The following IKZF5 variants were observed in gnomAD, a reference collection of about 807,000 sequenced individuals.
IKZF5 encodes IKAROS family zinc finger 5.
Under a neutral mutation model 30.7 loss-of-function variants are expected in IKZF5, and 4 were observed. The ratio of observed to expected loss-of-function variants is 0.13; its 90% CI spans 0.06 to 0.30. The LOEUF (loss-of-function observed/expected upper bound fraction) is 0.30. IKZF5 is among the 10% of genes least tolerant of loss of function. The pLI, the probability that IKZF5 is intolerant of heterozygous loss-of-function variation, is 1.00. For missense variants in IKZF5, 348 were observed against 525.5 expected, an observed-to-expected ratio of 0.66 and a Z score of 3.30; for synonymous variants, 148 against 179.6, an observed-to-expected ratio of 0.82 and a Z score of 1.41.
intron 3 of IKZF5, chr10:122,997,559 C>T (rs1849420552): frequency 6.6e-6 from 1 of 152,162 alleles, no homozygotes; most frequent in South Asian, 2.1e-4. Flanking sequence ...TTAACAAGCT[C>T]CCGGGTGATG....
intron 1 of IKZF5, among the ~76,000 whole-genome samples, 183 bp from the exon 2 acceptor site, chr10:123,007,359 T>C (rs551431500): frequency 3.9e-5 from 6 of 152,336 alleles, no homozygotes; most frequent in East Asian, 1.9e-4. Context: ...AAAAGCTCCA[T>C]AGGATCACCA....
At chr10:123,001,721 A>T (rs995532655) in intron 2 of IKZF5, among the ~76,000 whole-genome samples, 1 of 152,186 alleles carries the variant, frequency 6.6e-6, no homozygotes, top group Non-Finnish European at 1.5e-5. Context: ...AGATACTCTT[A>T]ATAATAAGTC....
intron 1 of IKZF5, among the ~76,000 whole-genome samples, chr10:123,007,786 G>A (rs144319193): frequency 1.4e-4 from 22 of 152,198 alleles, no homozygotes; most frequent in African/African-American, 5.1e-4. Flanking sequence ...GTGACAACAC[G>A]ACATAAATCA....
rs1269601358 is a variant in IKZF5 at position 122,994,272 on chromosome 10, C to T, written c.768G>A (p.Ser256=). ...GACTGGACAACTGCCCTGCTAGAGTCGAGAGCTGATTCAAAGGGTTATCAA... is the reference window on the plus strand; with the variant it reads ...GACTGGACAACTGCCCTGCTAGAGTTGAGAGCTGATTCAAAGGGTTATCAA... ...LMVDNPLNQL[S]TLAGQLSSLP... The change falls in exon 5 of 5, where the codon TCG becomes TCA. Residue 256 remains serine (S), a synonymous_variant. Transcript: ENST00000368886. The surrounding 1 kb of genome is among the most constrained non-coding windows in gnomAD (Gnocchi z 5.6). 6.2e-6 allele frequency: 10 copies of T among 1,613,674 alleles called. No individual in the cohort carries two copies. Among genetic ancestry groups the T allele is most frequent in the Non-Finnish European group, 7.6e-6 (9 of 1,179,968 alleles).
At position 122,992,536 on chromosome 10, in the gene IKZF5, A is replaced by T. The variant is rs1244894929; in HGVS notation, c.*1244T>A. The T allele has an allele frequency of 1.3e-5, 2 of 152,222 alleles. No homozygotes were observed. Among genetic ancestry groups the T allele is most frequent in the Admixed American group, 1.3e-4 (2 of 15,290 alleles). 9.4% of individuals were successfully genotyped at this position (152,222 alleles called of 1,614,324 possible). ...TAAAAACAATAGCCTCCTATTCAAA[A>T]TGAATTACTCTATATTTAGTAAGTC... On this transcript the variant is annotated 3_prime_UTR_variant, in exon 5 of 5. Transcript: ENST00000368886.
chr10:122,998,611 T>G lies in IKZF5; in HGVS notation c.15A>C (p.Lys5Asn), dbSNP rs776753682. 1 of 1,610,530 alleles carries G rather than the reference T, an allele frequency of 6.2e-7. No homozygotes were observed. Among genetic ancestry groups the G allele is most frequent in the Non-Finnish European group, 8.5e-7 (1 of 1,178,446 alleles). The part of the protein sequence containing the change: MGEK[K>N]PEPLDFVKDF... ...CTTTCACGAAGTCCAAAGGCTCTGG[T>G]TTTTTTTCACCCATCTTTGCTTTTT... The change falls in exon 3 of 5, where the codon AAA (lysine) becomes AAC (asparagine). Residue 5 changes from lysine (K) to asparagine (N), a missense_variant. Physicochemically the swap from Lys to Asn is moderately conservative, Grantham distance 94. Transcript: ENST00000368886.
chr10:123,004,364 C>T (rs970007622), intron 2 of IKZF5, among the ~76,000 whole-genome samples: 2 of 151,498 alleles, frequency 1.3e-5, no homozygotes, highest in African/African-American at 4.8e-5. Flanking sequence ...ATAATCCTTA[C>T]CAAATCTTGA....
intron 2 of IKZF5, among the ~76,000 whole-genome samples, chr10:123,003,236 A>C: frequency 1.8e-5 from 1 of 57,024 alleles, no homozygotes; most frequent in African/African-American, 6.7e-5. Flanking sequence ...GTTTCACCAG[A>C]CTTTTGTGGG....
chr10:122,991,431 T>C lies in IKZF5; in HGVS notation c.*2349A>G, dbSNP rs1380773268. The C allele has an allele frequency of 6.6e-6, 1 of 152,222 alleles. No homozygotes were observed. The highest frequency in any genetic ancestry group is 1.5e-5 in the Non-Finnish European group (1 of 68,016). 9.4% of individuals were successfully genotyped at this position (152,222 alleles called of 1,614,324 possible). ...AATTTAGTTTCAGAACATTGCCTGT[T>C]AACGGCAAAGTACTATAAATAGTGC... On this transcript the variant is annotated 3_prime_UTR_variant, in exon 5 of 5. Coordinates refer to ENST00000368886, the MANE Select transcript of IKZF5 (RefSeq NM_001372123.1).
At chr10:123,008,152 G>A (rs118144597) in intron 1 of IKZF5, among the ~76,000 whole-genome samples, 10 of 152,274 alleles carry the variant, frequency 6.6e-5, no homozygotes, top group Non-Finnish European at 1.2e-4. Context: ...CTAAAATAAG[G>A]GTGCCCATGC....
At chr10:122,996,528 TA>T (rs11329642) in intron 3 of IKZF5, among the ~76,000 whole-genome samples, 22,108 of 140,022 alleles carry the variant, frequency 0.16, 1,713 homozygotes, top group South Asian at 0.23. Flanking sequence ...TGTCTCTACT[TA>T]AAAAAAAAAA....
chr10:122,992,685 G>A lies in IKZF5; in HGVS notation c.*1095C>T, dbSNP rs997074851. 2 of 152,160 alleles carry A rather than the reference G, an allele frequency of 1.3e-5. No individual in the cohort carries two copies. The highest frequency in any genetic ancestry group is 4.8e-5 in the African/African-American group (2 of 41,450). 9.4% of individuals were successfully genotyped at this position (152,160 alleles called of 1,614,324 possible). A position where few individuals can be genotyped will look rare whatever the true frequency, so the allele number is the denominator to read the frequency against. On this transcript the variant is annotated 3_prime_UTR_variant, in exon 5 of 5. Coordinates refer to ENST00000368886, the MANE Select transcript of IKZF5 (RefSeq NM_001372123.1). Reference sequence around the variant, plus strand: ...ACACAGTTTCGTCACTGTACATGAAGACTGGTAAAACTGCAAATAAGAATT... The same window carrying A: ...ACACAGTTTCGTCACTGTACATGAAAACTGGTAAAACTGCAAATAAGAATT...
chr10:123,006,431 C>T (rs1050489333), intron 2 of IKZF5, among the ~76,000 whole-genome samples: 1 of 152,104 alleles, frequency 6.6e-6, no homozygotes, highest in Non-Finnish European at 1.5e-5. Flanking sequence ...AGCCTCTTAA[C>T]CAGTAGCTAA....
In IKZF5 at chr10:122,994,735, G is replaced by A; in HGVS notation, c.317-12C>T. On this transcript the variant is annotated splice_polypyrimidine_tract_variant and intron_variant, in intron 4 of 4. Coordinates refer to ENST00000368886, the MANE Select transcript of IKZF5 (RefSeq NM_001372123.1). The surrounding 1 kb of genome is among the most constrained non-coding windows in gnomAD (Gnocchi z 5.6). ...ATGAGGTTTTTCACCTGTTTCAAAA[G>A]AAAAATGATGGAGAAACTACAAGAG... 6.4e-7 allele frequency: 1 copy of A among 1,563,706 alleles called. No homozygotes were observed. The highest frequency in any genetic ancestry group is 2.0e-5 in the Admixed American group (1 of 50,096).
At position 122,996,092 on chromosome 10, in the gene IKZF5, C is replaced by T. The variant is rs1023663546; in HGVS notation, c.218G>A (p.Gly73Glu). The T allele has an allele frequency of 1.3e-5, 21 of 1,614,004 alleles. No individual in the cohort carries two copies. Among genetic ancestry groups the T allele is most frequent in the Non-Finnish European group, 1.5e-5 (18 of 1,180,030 alleles). Reference sequence around the variant, plus strand: ...CTTCCCATCAAAGGTCCTTTCAAACCCGTCTACTAACATTCCTGAGTTTTC... The same window carrying T: ...CTTCCCATCAAAGGTCCTTTCAAACTCGTCTACTAACATTCCTGAGTTTTC... Reference protein sequence around the residue: ...LDENSGMLVDGFERTFDGKLK... With the variant: ...LDENSGMLVDEFERTFDGKLK... Residue 73 changes from glycine to glutamate, a missense_variant, in exon 4 of 5, where the codon GGG (glycine) becomes GAG (glutamate). Physicochemically the swap from Gly to Glu is moderately conservative, Grantham distance 98 (BLOSUM62 -2). Transcript: ENST00000368886.
In IKZF5 at chr10:122,994,818, A is replaced by G; in HGVS notation, c.317-95T>C. On this transcript the variant is annotated intron_variant, in intron 4 of 4. Coordinates refer to ENST00000368886, the MANE Select transcript of IKZF5 (RefSeq NM_001372123.1). This position sits in a 1 kb window ranked among gnomAD's most constrained non-coding sequence, Gnocchi z 5.6. ...TCATTGGACAACTGGAAATTGATCA[A>G]AAAGAAAATGCTTTCAGAAAGTCAT... 1 of 987,276 alleles carries G rather than the reference A, an allele frequency of 1.0e-6. No individual in the cohort carries two copies. Among genetic ancestry groups the G allele is most frequent in the South Asian group, 1.7e-5 (1 of 60,592 alleles). The allele number at this position is 987,276 out of a possible 1,614,324, so 61.2% of individuals were successfully genotyped here. A position where few individuals can be genotyped will look rare whatever the true frequency, so the allele number is the denominator to read the frequency against.
In IKZF5 at chr10:122,993,544, G is replaced by A. The variant is rs9423302; in HGVS notation, c.*236C>T. 33,992 of 317,512 alleles carry A rather than the reference G, an allele frequency of 0.11. 1,870 individuals carry two copies. Among genetic ancestry groups the A allele is most frequent in the Middle Eastern group, 0.14 (164 of 1,152 alleles). 19.7% of individuals were successfully genotyped at this position (317,512 alleles called of 1,614,324 possible). A position where few individuals can be genotyped will look rare whatever the true frequency, so the allele number is the denominator to read the frequency against. The stretch of plus-strand genomic sequence containing the variant: ...GACTGCACTCCAATTCTCCAATGTC[G>A]AAAGGAAAGGAAAAAAGAGACACCA... On this transcript the variant is annotated 3_prime_UTR_variant, in exon 5 of 5. Coordinates refer to ENST00000368886, the MANE Select transcript of IKZF5 (RefSeq NM_001372123.1).
At position 122,991,108 on chromosome 10, in the gene IKZF5, T is replaced by C. The variant is rs1376577211; in HGVS notation, c.*2672A>G. On this transcript the variant is annotated 3_prime_UTR_variant, in exon 5 of 5. Transcript: ENST00000368886. The stretch of plus-strand genomic sequence containing the variant: ...GATAAATATTTTGTAGAACTTGAAA[T>C]GAGGATTTTATCTCTGAGTATTTTT... The C allele has an allele frequency of 6.6e-6, 1 of 152,114 alleles. No homozygotes were observed. The highest frequency in any genetic ancestry group is 2.4e-5 in the African/African-American group (1 of 41,432). 9.4% of individuals were successfully genotyped at this position (152,114 alleles called of 1,614,324 possible).
chr10:122,999,509 G>A (rs1051009389), intron 2 of IKZF5, among the ~76,000 whole-genome samples: 5 of 152,166 alleles, frequency 3.3e-5, no homozygotes, highest in Admixed American at 6.5e-5. Context: ...ACTGTGTCAC[G>A]GTAAGAAGCC....
Sources: allele counts gnomAD v4.1 joint callset (sites outside exome capture counted in the v4.1 genomes callset), GRCh38; gene constraint gnomAD v4.1.1; non-coding constraint Gnocchi (gnomAD v3.1); transcripts MANE v1.5; gene names NCBI Gene and HGNC (gene_info 2026-07-23, HGNC 2026-07-21).